Variants in HSPA9 observed in about 807,000 individuals in gnomAD.
HSPA9 encodes the protein heat shock protein family A (Hsp70) member 9.
A neutral mutation model predicts 81.5 loss-of-function variants in HSPA9; 28 were observed. That is an observed-to-expected ratio of 0.34 (90% confidence interval 0.25 to 0.47). The LOEUF is 0.47. Among genes scored for constraint, HSPA9 ranks in the 20% least tolerant of loss-of-function variants. The pLI, the probability that HSPA9 is intolerant of heterozygous loss-of-function variation, is 1.00. For missense variants in HSPA9, 678 were observed against 838.0 expected, an observed-to-expected ratio of 0.81 and a Z score of 2.36; for synonymous variants, 293 against 290.4, an observed-to-expected ratio of 1.01 and a Z score of -0.09.
At chr5:138,574,931 A>C (rs1751053003) in intron 1 of HSPA9, 1 of 510,306 alleles carries the variant, frequency 2.0e-6, no homozygotes, top group African/African-American at 1.9e-5. Context: ...AATAGACTGC[A>C]TCCCTCACCC....
intron 12 of HSPA9, 112 bp downstream of exon 12, chr5:138,558,441 T>C (rs1401173660): frequency 9.0e-6 from 7 of 779,720 alleles, no homozygotes; most frequent in Non-Finnish European, 1.4e-5. Flanking sequence ...TTCTCAAGAC[T>C]ACTCAGTATG....
Position 138,567,662 on chromosome 5 carries a change from T to C in HSPA9, c.596A>G (p.Asp199Gly). The change falls in exon 6 of 17, where the codon GAC (aspartate) becomes GGC (glycine). Residue 199 changes from aspartate to glycine, a missense_variant. Asp to Gly is a moderately conservative substitution (Grantham distance 94). Transcript: ENST00000297185. ...AVITVPAYFN[D>G]SQRQATKDAG... ...AATTGACCTCACCTGTCTCTGCGAG[T>C]CATTGAAATAAGCTGGGACTGTGAT... 1 of 1,613,856 alleles carries C rather than the reference T, an allele frequency of 6.2e-7. No homozygotes were observed. Among genetic ancestry groups the C allele is most frequent in the Non-Finnish European group, 8.5e-7 (1 of 1,179,814 alleles).
chr5:138,566,188 CAAAAAAAAA>C (rs1186233815), intron 9 of HSPA9, among the ~76,000 whole-genome samples: 6 of 59,640 alleles, frequency 1.0e-4, no homozygotes, highest in African/African-American at 1.3e-4. Flanking sequence ...AACTCTGTCT[CAAAAAAAAA>C]AAAAAAAAAA....
chr5:138,557,904 G>A lies in HSPA9; in HGVS notation c.1598C>T (p.Ser533Phe). ...DIDANGIVHV[S>F]AKDKGTGREQ... ...ACGTCCTGTGCCTTTATCTTTAGCA[G>A]AAACATGTACTATCCCATTGGCATC... The change falls in exon 13 of 17, where the codon TCT becomes TTT. Residue 533 changes from serine (S) to phenylalanine (F), a missense_variant. By Grantham distance (155) the Ser-to-Phe change is radical. Around this residue, in one of 4 missense-constraint regions of HSPA9, gnomAD observed 484 missense variants for 647.5 expected, o/e 0.75. Coordinates refer to ENST00000297185, the MANE Select transcript of HSPA9 (RefSeq NM_004134.7). 6.2e-7 allele frequency: 1 copy of A among 1,611,140 alleles called. No homozygotes were observed. The highest frequency in any genetic ancestry group is 1.3e-5 in the African/African-American group (1 of 74,958).
intron 14 of HSPA9, 180 bp from the exon 15 acceptor site, chr5:138,557,046 T>C (rs1028287712): frequency 4.6e-6 from 3 of 652,218 alleles, no homozygotes; most frequent in African/African-American, 3.6e-5. Flanking sequence ...GGGCTAGATT[T>C]TGTAACATCA....
rs776390772 is a variant in HSPA9, at chr5:138,556,794, C to T, written c.1801G>A (p.Asp601Asn). Residue 601 changes from aspartate (D) to asparagine (N), a missense_variant, in exon 15 of 17, where the codon GAC (aspartate) becomes AAC (asparagine). Around this residue, in one of 4 missense-constraint regions of HSPA9, gnomAD observed 100 missense variants for 99.5 expected, o/e 1.00. Transcript: ENST00000297185. Reference protein sequence around the residue: ...DTETKMEEFKDQLPADECNKL... With the variant: ...DTETKMEEFKNQLPADECNKL... ...CTCACCTCATCAGCAGGTAATTGGT[C>T]CTTGAATTCTTCCATCTTGGTTTCT... The T allele has an allele frequency of 6.2e-7, 1 of 1,613,570 alleles. No individual in the cohort carries two copies. Among genetic ancestry groups the T allele is most frequent in the South Asian group, 1.1e-5 (1 of 91,070 alleles).
chr5:138,561,793 C>T lies in HSPA9; in HGVS notation c.973-4G>A, dbSNP rs1361531122. 1 of 1,609,634 alleles carries T rather than the reference C, an allele frequency of 6.2e-7. No individual in the cohort carries two copies. The highest frequency in any genetic ancestry group is 8.5e-7 in the Non-Finnish European group (1 of 1,175,920). ...GATAGGGCAAATTGATGTCAGTCTG[C>T]AAAGGAAATGTTTAATTGCATGTCA... On this transcript the variant is annotated splice_polypyrimidine_tract_variant and splice_region_variant and intron_variant, in intron 9 of 16. Transcript: ENST00000297185.
chr5:138,558,104 T>C (rs1041073492), intron 12 of HSPA9, 118 bp from the exon 13 acceptor site: 24 of 766,324 alleles, frequency 3.1e-5, no homozygotes, highest in Non-Finnish European at 5.4e-5. Flanking sequence ...AAACAAGTGA[T>C]TTAATGTACA....
Position 138,555,037 on chromosome 5 carries a change from A to G in HSPA9, c.*1000T>C, listed in dbSNP as rs1160660560. ...AAATAGCCACCTTGGTTTTCATGTT[A>G]GAGATCTAAAAACTTTCATGTTAGA... On this transcript the variant is annotated 3_prime_UTR_variant, in exon 17 of 17. Transcript: ENST00000297185. 1.4e-5 allele frequency: 2 copies of G among 142,326 alleles called. No individual in the cohort carries two copies. The highest frequency in any genetic ancestry group is 2.9e-5 in the Non-Finnish European group (2 of 67,910). The allele number at this position is 142,326 out of a possible 1,614,324, so 8.8% of individuals were successfully genotyped here.
chr5:138,568,363 T>C (rs1750810926), intron 5 of HSPA9, among the ~76,000 whole-genome samples: 1 of 151,338 alleles, frequency 6.6e-6, no homozygotes, highest in Admixed American at 6.6e-5. Flanking sequence ...TGGCTAGGCA[T>C]GATGGCGCAT....
intron 10 of HSPA9, among the ~76,000 whole-genome samples, chr5:138,561,353 C>A (rs1453669925): frequency 5.3e-5 from 8 of 152,176 alleles, no homozygotes; most frequent in African/African-American, 1.9e-4. Context: ...ATGTGATCTG[C>A]CCGCCTCAGC....
chr5:138,557,052 C>G lies in HSPA9; in HGVS notation c.1729-186G>C, dbSNP rs1750543045. 1.4e-5 allele frequency: 9 copies of G among 642,500 alleles called. No homozygotes were observed. In the Middle Eastern group the frequency reaches 2.0e-3, roughly 146 times the overall value. 39.8% of individuals were successfully genotyped at this position (642,500 alleles called of 1,614,324 possible). ...GAGAGATTTGGGCTAGATTTTGTAA[C>G]ATCAGAATTGTGACAGGGAAAACAG... On this transcript the variant is annotated intron_variant, in intron 14 of 16. Transcript: ENST00000297185.
chr5:138,565,285 A>G (rs1216349215), intron 9 of HSPA9, among the ~76,000 whole-genome samples: 1 of 152,156 alleles, frequency 6.6e-6, no homozygotes, highest in East Asian at 1.9e-4. Context: ...CAACGTTGCA[A>G]TGTTCTGCCA....
intron 7 of HSPA9, 113 bp downstream of exon 7, chr5:138,567,342 A>G: frequency 9.5e-7 from 1 of 1,049,018 alleles, no homozygotes; most frequent in South Asian, 1.3e-5. Flanking sequence ...GAAAAAACAA[A>G]GACAATACAG....
At chr5:138,572,655 T>TC (rs1322293494) in intron 3 of HSPA9, among the ~76,000 whole-genome samples, 2 of 152,128 alleles carry the variant, frequency 1.3e-5, no homozygotes, top group Non-Finnish European at 2.9e-5. Context: ...CTTTCATACT[T>TC]CCTTTCCCCC....
In HSPA9 at chr5:138,575,343, G is replaced by A. The variant is rs1321333048; in HGVS notation, c.-25C>T. The A allele has an allele frequency of 4.4e-6, 7 of 1,594,902 alleles. No homozygotes were observed. Among genetic ancestry groups the A allele is most frequent in the Non-Finnish European group, 4.3e-6 (5 of 1,164,956 alleles). On this transcript the variant is annotated 5_prime_UTR_variant, in exon 1 of 17. Transcript: ENST00000297185. ...TGGCGGATAAATGGAGGAGTACGAGGCAGCAAACAAGCGCTCCGACGGCAA... is the reference window on the plus strand; with the variant it reads ...TGGCGGATAAATGGAGGAGTACGAGACAGCAAACAAGCGCTCCGACGGCAA...
intron 10 of HSPA9, among the ~76,000 whole-genome samples, chr5:138,560,480 T>C (rs889408201): frequency 6.6e-6 from 1 of 152,240 alleles, no homozygotes; most frequent in East Asian, 1.9e-4. Context: ...ATAATTTGCA[T>C]TGCTAACATG....
In HSPA9 at chr5:138,567,526, A is replaced by T; in HGVS notation, c.645T>A (p.Asn215Lys). ...TKDAGQISGL[N>K]VLRVINEPTA... ...TGGGCTCATTAATCACCCGAAGCAC[A>T]TTCAGTCCAGATATCTGGCCAGCAT... The change falls in exon 7 of 17, where the codon AAT (asparagine) becomes AAA (lysine). Residue 215 changes from asparagine to lysine, a missense_variant. Transcript: ENST00000297185. 6.2e-7 allele frequency: 1 copy of T among 1,614,184 alleles called. No individual in the cohort carries two copies. The highest frequency in any genetic ancestry group is 2.2e-5 in the East Asian group (1 of 44,880).
intron 9 of HSPA9, among the ~76,000 whole-genome samples, chr5:138,565,798 C>T (rs1750748746): frequency 6.6e-6 from 1 of 152,188 alleles, no homozygotes; most frequent in African/African-American, 2.4e-5. Context: ...ACTGCAGCCT[C>T]AACCTCCTGG....
Sources: gnomAD v4.1 joint callset for allele counts (sites outside exome capture counted in the v4.1 genomes callset) on GRCh38, gnomAD v4.1.1 for gene constraint, gnomAD v4.1.1 regional missense constraint, MANE v1.5 for transcripts, NCBI Gene and HGNC (gene_info 2026-07-23, HGNC 2026-07-21) for gene names.